The following DACH1 variants were observed in gnomAD, a reference collection of about 807,000 sequenced individuals.
DACH1 encodes the protein dachshund family transcription factor 1.
In DACH1, 12 loss-of-function variants were observed where a neutral mutation model predicts 54.2. That is an observed-to-expected ratio of 0.22 (90% CI 0.14 to 0.36). The LOEUF (loss-of-function observed/expected upper bound fraction) is 0.36. Among genes scored for constraint, DACH1 ranks in the 10% least tolerant of loss-of-function variants. The probability of loss-of-function intolerance (pLI) is 1.00; values close to 1 mark genes in which losing one functional copy is unlikely to be tolerated. For missense variants in DACH1, 805 were observed against 929.8 expected (o/e 0.87, Z 1.75); for synonymous variants, 386 against 366.2 (o/e 1.05, Z -0.62).
rs777663191 is a variant in DACH1 at position 71,553,445 on chromosome 13, C to CAT, written c.1570+3577_1570+3578dup. On this transcript the variant is annotated intron_variant, in intron 6 of 10. Transcript: ENST00000613252. ...CATATATGTATATTAGACATATATC[C>CAT]ATATATATATACATATATACATATA... 1.7e-3 allele frequency among the ~76,000 whole-genome samples: 137 copies of CAT among 81,834 alleles called. 36 individuals are homozygous for CAT. In the East Asian group the frequency reaches 0.021, roughly 13 times the overall value. The allele number at this position is 81,834 out of a possible 152,430, so 53.7% of individuals were successfully genotyped here. A position where few individuals can be genotyped will look rare whatever the true frequency, so the allele number is the denominator to read the frequency against.
intron 1 of DACH1, among the ~76,000 whole-genome samples, chr13:71,840,087 C>T (rs1234792100): frequency 6.6e-6 from 1 of 152,116 alleles, no homozygotes; most frequent in African/African-American, 2.4e-5. Context: ...GCTGGAATTA[C>T]AGGTGCGCAC....
intron 1 of DACH1, among the ~76,000 whole-genome samples, chr13:71,792,440 A>G (rs1026875466): frequency 6.6e-6 from 1 of 152,182 alleles, no homozygotes; most frequent in African/African-American, 2.4e-5. Context: ...ATTATTCTGA[A>G]GATGGTGGCT....
chr13:71,533,508 AGT>A (rs2138311701), intron 6 of DACH1, among the ~76,000 whole-genome samples: 1 of 152,166 alleles, frequency 6.6e-6, no homozygotes, highest in Non-Finnish European at 1.5e-5. Flanking sequence ...TCATGACCAC[AGT>A]TATTTCCGGC....
Position 71,475,779 on chromosome 13 carries a change from C to T in DACH1, c.1941G>A (p.Glu647=), listed in dbSNP as rs1877466254. 6.2e-7 allele frequency: 1 copy of T among 1,613,826 alleles called. No homozygotes were observed. The highest frequency in any genetic ancestry group is 8.5e-7 in the Non-Finnish European group (1 of 1,179,946). The change falls in exon 9 of 11, where the codon GAG becomes GAA. Residue 647 remains glutamate (E), a synonymous_variant. Coordinates refer to ENST00000613252, the MANE Select transcript of DACH1 (RefSeq NM_080759.6). ...GTTCTGCTTGTTCACGCCGTTTCGT[C>T]TCAAACTCAAGTGCTTCCTGCAATT... is the stretch of plus-strand genomic sequence containing the variant. ...KRKLQEALEF[E]TKRREQAEQT...
At chr13:71,651,316 G>C (rs1308319749) in intron 2 of DACH1, among the ~76,000 whole-genome samples, 1 of 150,862 alleles carries the variant, frequency 6.6e-6, no homozygotes, top group Non-Finnish European at 1.5e-5. Flanking sequence ...GCAGTGAGCT[G>C]TGTTTTGCAC....
At chr13:71,849,587 T>G (rs1289986101) in intron 1 of DACH1, among the ~76,000 whole-genome samples, 1 of 152,184 alleles carries the variant, frequency 6.6e-6, no homozygotes, top group African/African-American at 2.4e-5. Context: ...GGAATCATTA[T>G]AGGAAGCTAC....
At chr13:71,836,689 G>A (rs1490276548) in intron 1 of DACH1, among the ~76,000 whole-genome samples, 2 of 152,012 alleles carry the variant, frequency 1.3e-5, no homozygotes, top group Non-Finnish European at 2.9e-5. Context: ...TCTTCATATC[G>A]CCTTCAAATA....
intron 10 of DACH1, among the ~76,000 whole-genome samples, chr13:71,449,995 G>A (rs9529896): frequency 0.94 from 141,747 of 151,466 alleles, 67,065 homozygotes; most frequent in East Asian, 1. Context: ...GGTTCGGCAC[G>A]CCAACATGGC....
At chr13:71,522,537 T>C (rs1881679141) in intron 6 of DACH1, among the ~76,000 whole-genome samples, 1 of 151,996 alleles carries the variant, frequency 6.6e-6, no homozygotes, top group African/African-American at 2.4e-5. Context: ...CCTGCTACTC[T>C]GGAGGCTGAG....
chr13:71,465,052 C>T (rs567232386), intron 10 of DACH1, among the ~76,000 whole-genome samples: 2 of 152,128 alleles, frequency 1.3e-5, no homozygotes, highest in South Asian at 4.1e-4. Context: ...AGAAATAAAA[C>T]AACATTATTG....
intron 1 of DACH1, among the ~76,000 whole-genome samples, chr13:71,703,209 C>T (rs1184938999): frequency 2.0e-5 from 3 of 152,140 alleles, no homozygotes; most frequent in African/African-American, 7.2e-5. Flanking sequence ...CTGACCTTGC[C>T]CTGCTTTCAC....
At chr13:71,680,967 T>TTA (rs1175518133) in intron 2 of DACH1, among the ~76,000 whole-genome samples, 1 of 151,992 alleles carries the variant, frequency 6.6e-6, no homozygotes, top group Admixed American at 6.6e-5. Context: ...ATCAGCTGTA[T>TTA]TATAATACAT....
At chr13:71,779,894 C>T (rs182176751) in intron 1 of DACH1, among the ~76,000 whole-genome samples, 2 of 152,076 alleles carry the variant, frequency 1.3e-5, no homozygotes, top group East Asian at 3.9e-4. Context: ...TTTCTCTTTC[C>T]TACTATATTG....
At chr13:71,682,302 T>C (rs1880949268) in intron 1 of DACH1, among the ~76,000 whole-genome samples, 1 of 152,210 alleles carries the variant, frequency 6.6e-6, no homozygotes, top group African/African-American at 2.4e-5. Flanking sequence ...CAAATATGTG[T>C]AGTACTTGTA....
At chr13:71,815,425 G>A (rs1171502817) in intron 1 of DACH1, among the ~76,000 whole-genome samples, 2 of 151,998 alleles carry the variant, frequency 1.3e-5, no homozygotes, top group Admixed American at 6.6e-5. Context: ...ACTTGGTGAA[G>A]CACTTTTTCT....
intron 2 of DACH1, among the ~76,000 whole-genome samples, chr13:71,679,934 T>A: frequency 7.9e-6 from 1 of 126,536 alleles, no homozygotes; most frequent in East Asian, 2.3e-4. Context: ...AGAGCGAGAC[T>A]CCGTCTCAAA....
intron 6 of DACH1, among the ~76,000 whole-genome samples, chr13:71,505,043 G>C (rs1880201132): frequency 6.6e-6 from 1 of 152,048 alleles, no homozygotes; most frequent in African/African-American, 2.4e-5. Flanking sequence ...CGCAAATTTA[G>C]AAACACATAT....
At chr13:71,829,238 C>T (rs924723388) in intron 1 of DACH1, among the ~76,000 whole-genome samples, 5 of 151,788 alleles carry the variant, frequency 3.3e-5, no homozygotes, top group African/African-American at 9.7e-5. Context: ...AAGTCATCAT[C>T]GGGCTTGGTT....
intron 1 of DACH1, among the ~76,000 whole-genome samples, chr13:71,716,575 T>C (rs897255331): frequency 6.6e-6 from 1 of 152,106 alleles, no homozygotes; most frequent in African/African-American, 2.4e-5. Context: ...TCTTCCCTAA[T>C]CTTCCCAAGT....
Sources: allele counts gnomAD v4.1 joint callset (sites outside exome capture counted in the v4.1 genomes callset), GRCh38; gene constraint gnomAD v4.1.1; transcripts MANE v1.5; gene names NCBI Gene and HGNC (gene_info 2026-07-23, HGNC 2026-07-21).